The following ASIC1 variants were observed in gnomAD, a reference collection of about 807,000 sequenced individuals.
ASIC1 encodes the protein acid sensing ion channel subunit 1.
A neutral mutation model predicts 63.4 loss-of-function variants in ASIC1; 21 were observed. The observed-to-expected ratio is 0.33, with a 90% CI of 0.23 to 0.48. The LOEUF (loss-of-function observed/expected upper bound fraction) is 0.48, where lower values mean the gene tolerates loss of function less well. Among genes scored for constraint, ASIC1 ranks in the 20% least tolerant of loss-of-function variants. The pLI is 0.99. For missense variants in ASIC1, 478 were observed against 695.5 expected (o/e 0.69, Z 3.52); for synonymous variants, 258 against 278.2 (o/e 0.93, Z 0.72).
chr12:50,080,758 C>T (rs376546659), intron 9 of ASIC1, 169 bp downstream of exon 9: 1 of 1,574,926 alleles, frequency 6.3e-7, no homozygotes, highest in East Asian at 2.3e-5. Flanking sequence ...ACTGAGCCTT[C>T]TCTTAGGGCA....
At chr12:50,062,023 A>G (rs1339063397) in intron 3 of ASIC1, among the ~76,000 whole-genome samples, 1 of 152,132 alleles carries the variant, frequency 6.6e-6, no homozygotes, top group Non-Finnish European at 1.5e-5. Context: ...TTTGCAGCCC[A>G]TGTCAAAGAC....
rs1459338715 is a variant in ASIC1, at chr12:50,081,654, C to T, written c.*5C>T. The T allele has an allele frequency of 3.1e-6, 5 of 1,613,002 alleles. No individual in the cohort carries two copies. Among genetic ancestry groups the T allele is most frequent in the Middle Eastern group, 1.6e-4 (1 of 6,084 alleles). On this transcript the variant is annotated 3_prime_UTR_variant, in exon 12 of 12. Transcript: ENST00000447966. ...TTCGAGGACTTTACCTGCTGAGCCC[C>T]GCAGGCCGCTGAACCAAAGGCCTAG...
intron 3 of ASIC1, among the ~76,000 whole-genome samples, chr12:50,062,967 C>A (rs1447309249): frequency 3.3e-5 from 5 of 152,178 alleles, no homozygotes. Flanking sequence ...TCCTTCGGGA[C>A]TGAAGAGGGA....
At chr12:50,060,535 A>G (rs1245354226) in intron 3 of ASIC1, among the ~76,000 whole-genome samples, 2 of 152,202 alleles carry the variant, frequency 1.3e-5, no homozygotes, top group Non-Finnish European at 2.9e-5. Context: ...CACCCCATAC[A>G]TAGACACATA....
intron 3 of ASIC1, 155 bp from the exon 4 acceptor site, chr12:50,077,058 C>A: frequency 8.1e-7 from 1 of 1,238,116 alleles, no homozygotes; most frequent in Non-Finnish European, 1.2e-6. Context: ...GGGTGAGAAA[C>A]AGGTGGGAGA....
rs200303436 is a variant in ASIC1, at chr12:50,077,398, C to T, written c.709+35C>T. 108 of 1,612,606 alleles carry T rather than the reference C, an allele frequency of 6.7e-5. No individual in the cohort carries two copies. In the East Asian group the frequency reaches 1.9e-3, roughly 28 times the overall value. ...CCACTTCAGGGGCCCCTCTGCATGG[C>T]TCTAGGCCCCAGCCTCTGCCAGGGG... On this transcript the variant is annotated intron_variant, in intron 4 of 11. Coordinates refer to ENST00000447966, the MANE Select transcript of ASIC1 (RefSeq NM_001095.4).
At chr12:50,065,748 A>G (rs939022379) in intron 3 of ASIC1, among the ~76,000 whole-genome samples, 72 of 152,064 alleles carry the variant, frequency 4.7e-4, no homozygotes, top group Non-Finnish European at 2.8e-4. Context: ...ATGCTTTCCC[A>G]CCCTTCTGCA....
At chr12:50,081,204 A>G (rs1361771013) in intron 10 of ASIC1, 23 bp downstream of exon 10, 1 of 1,608,038 alleles carries the variant, frequency 6.2e-7, no homozygotes, top group Non-Finnish European at 8.5e-7. Context: ...GAGGCCCGGC[A>G]CGGGGCCACG....
Position 50,080,607 on chromosome 12 carries a change from C to T in ASIC1, c.1297+18C>T. 1 of 1,614,212 alleles carries T rather than the reference C, an allele frequency of 6.2e-7. No individual in the cohort carries two copies. Among genetic ancestry groups the T allele is most frequent in the Non-Finnish European group, 8.5e-7 (1 of 1,180,034 alleles). ...GCTCCTGGGTGAGCTGCTGATGACA[C>T]CTGTCCCCTTCTCATGCCATGGGCA... is the stretch of plus-strand genomic sequence containing the variant. On this transcript the variant is annotated intron_variant, in intron 9 of 11. Transcript: ENST00000447966.
chr12:50,083,326 C>A lies in ASIC1; in HGVS notation c.*1677C>A. On this transcript the variant is annotated 3_prime_UTR_variant, in exon 12 of 12. Coordinates refer to ENST00000447966, the MANE Select transcript of ASIC1 (RefSeq NM_001095.4). ...GCCTGCCCCCCCTCCCTCCACCAGACACTCCTTCCAGGCCTGAGCCCCAAC... is the reference window on the plus strand; with the variant it reads ...GCCTGCCCCCCCTCCCTCCACCAGAAACTCCTTCCAGGCCTGAGCCCCAAC... 6.6e-6 allele frequency: 1 copy of A among 152,448 alleles called. No homozygotes were observed. The highest frequency in any genetic ancestry group is 1.5e-5 in the Non-Finnish European group (1 of 68,114). The allele number at this position is 152,448 out of a possible 1,614,324, so 9.4% of individuals were successfully genotyped here.
At position 50,081,578 on chromosome 12, in the gene ASIC1, G is replaced by A. The variant is rs759645195; in HGVS notation, c.1516G>A (p.Gly506Arg). ...CGAGAGCCTTCGGGGCCACCCTGCC[G>A]GGATGACATACGCTGCCAACATCCT... ...PCESLRGHPA[G>R]MTYAANILPH... The change falls in exon 12 of 12, where the codon GGG becomes AGG. Residue 506 changes from glycine (G) to arginine (R), a missense_variant. By Grantham distance (125) the Gly-to-Arg change is moderately radical. Transcript: ENST00000447966. 10 of 1,614,012 alleles carry A rather than the reference G, an allele frequency of 6.2e-6. No homozygotes were observed. In the African/African-American group the frequency reaches 6.7e-5, roughly 11 times the overall value.
chr12:50,069,653 T>A (rs1215532291), intron 3 of ASIC1, among the ~76,000 whole-genome samples: 2 of 152,188 alleles, frequency 1.3e-5, no homozygotes, highest in Non-Finnish European at 2.9e-5. Context: ...GCTTCCTTAA[T>A]TCCCCAGTCT....
In ASIC1 at chr12:50,059,774, C is replaced by G. The variant is rs763789601; in HGVS notation, c.378C>G (p.Asp126Glu). 6.2e-7 allele frequency: 1 copy of G among 1,613,614 alleles called. No homozygotes were observed. Among genetic ancestry groups the G allele is most frequent in the Non-Finnish European group, 8.5e-7 (1 of 1,179,742 alleles). The change falls in exon 3 of 12, where the codon GAC becomes GAG. Residue 126 changes from aspartate (D) to glutamate (E), a missense_variant. Asp to Glu is a conservative substitution (Grantham distance 45). Around this residue, in one of 3 missense-constraint regions of ASIC1, gnomAD observed 290 missense variants for 414.9 expected, o/e 0.70. Transcript: ENST00000447966. This position sits in a 1 kb window ranked among gnomAD's most constrained non-coding sequence, Gnocchi z 4.6. ...CGGACCCCAGGTATGAGATACCAGA[C>G]ACACAGATGGCAGATGAAAAGCAGC... is the stretch of plus-strand genomic sequence containing the variant. The part of the protein sequence containing the change: ...ALLNNRYEIP[D>E]TQMADEKQLE...
intron 3 of ASIC1, among the ~76,000 whole-genome samples, chr12:50,067,083 T>C (rs1950551989): frequency 6.9e-6 from 1 of 144,620 alleles, no homozygotes; most frequent in African/African-American, 2.6e-5. Flanking sequence ...GAACTTGCTA[T>C]GTATCGGTCT....
chr12:50,067,793 C>T (rs1950560825), intron 3 of ASIC1, among the ~76,000 whole-genome samples: 1 of 152,148 alleles, frequency 6.6e-6, no homozygotes, highest in Non-Finnish European at 1.5e-5. Context: ...TGTCTACCCA[C>T]TCCTCTGTCT....
rs1592283170 is a variant in ASIC1 at position 50,083,421 on chromosome 12, G to A, written c.*1772G>A. 6.6e-6 allele frequency: 1 copy of A among 152,642 alleles called. No individual in the cohort carries two copies. Among genetic ancestry groups the A allele is most frequent in the Admixed American group, 6.5e-5 (1 of 15,288 alleles). The allele number at this position is 152,642 out of a possible 1,614,324, so 9.5% of individuals were successfully genotyped here. On this transcript the variant is annotated 3_prime_UTR_variant, in exon 12 of 12. Transcript: ENST00000447966. ...CCCAGAACAGGACCTGTGAGCAGCT[G>A]CATTGGCCTGGAGCTGGAGAGTAAG... is the stretch of plus-strand genomic sequence containing the variant.
At chr12:50,069,276 AT>A (rs1950575971) in intron 3 of ASIC1, among the ~76,000 whole-genome samples, 1 of 148,734 alleles carries the variant, frequency 6.7e-6, no homozygotes. Flanking sequence ...TTATTTATTT[AT>A]TTATTTATTT....
chr12:50,079,070 C>G (rs1950688160), intron 7 of ASIC1, 90 bp downstream of exon 7: 1 of 1,292,444 alleles, frequency 7.7e-7, no homozygotes. Flanking sequence ...TCCCAGAAGC[C>G]TCACATAACT....
At chr12:50,079,673 C>A (rs1176449635) in intron 7 of ASIC1, among the ~76,000 whole-genome samples, 1 of 152,138 alleles carries the variant, frequency 6.6e-6, no homozygotes, top group African/African-American at 2.4e-5. Flanking sequence ...CCATCTACAT[C>A]GTTGGTTCAG....
Sources: gnomAD v4.1 joint callset for allele counts (sites outside exome capture counted in the v4.1 genomes callset) on GRCh38, gnomAD v4.1.1 for gene constraint, gnomAD v4.1.1 regional missense constraint, Gnocchi (gnomAD v3.1) non-coding constraint, MANE v1.5 for transcripts, NCBI Gene and HGNC (gene_info 2026-07-23, HGNC 2026-07-21) for gene names.